Variants in SIN3A observed in about 807,000 individuals in gnomAD.
SIN3A encodes paired amphipathic helix protein Sin3a.
SIN3A carries 14 observed loss-of-function variants against 146.1 expected under a neutral mutation model. That is an observed-to-expected ratio of 0.10 (90% CI 0.06 to 0.15). The LOEUF (loss-of-function observed/expected upper bound fraction) is 0.15. Ranked by LOEUF, SIN3A falls within the 10% of genes least tolerant of loss-of-function variation. The pLI, the probability that SIN3A is intolerant of heterozygous loss-of-function variation, is 1.00. For missense variants in SIN3A, 1,028 were observed against 1,576.0 expected (o/e 0.65, Z 5.89); for synonymous variants, 572 against 572.0 (o/e 1.00, Z 0.00).
intron 9 of SIN3A, among the ~76,000 whole-genome samples, chr15:75,406,728 G>A (rs1257380885): frequency 6.6e-6 from 1 of 152,016 alleles, no homozygotes; most frequent in African/African-American, 2.4e-5. Flanking sequence ...CTCAAAAATT[G>A]GTACAGGCAC....
At chr15:75,418,979 G>C (rs990876036) in intron 3 of SIN3A, among the ~76,000 whole-genome samples, 3 of 150,722 alleles carry the variant, frequency 2.0e-5, no homozygotes, top group African/African-American at 7.3e-5. Context: ...GGATGGTCTC[G>C]ATCTCCTGAC....
chr15:75,417,549 T>G (rs1323306669), intron 3 of SIN3A, among the ~76,000 whole-genome samples: 1 of 151,854 alleles, frequency 6.6e-6, no homozygotes, highest in Non-Finnish European at 1.5e-5. Flanking sequence ...ACTAATTTTT[T>G]TGTATTTTTA....
At chr15:75,385,810 G>A (rs1431266930) in intron 16 of SIN3A, among the ~76,000 whole-genome samples, 1 of 152,200 alleles carries the variant, frequency 6.6e-6, no homozygotes. Flanking sequence ...GTGACTGAGT[G>A]TGGCAGAAAG....
chr15:75,401,101 T>C (rs984230557), intron 10 of SIN3A, among the ~76,000 whole-genome samples, 161 bp from the exon 11 acceptor site: 4 of 152,202 alleles, frequency 2.6e-5, no homozygotes, highest in African/African-American at 2.4e-5. Context: ...TTCCCCTTTT[T>C]CTAATAAAAT....
chr15:75,444,490 C>A (rs1025949162), intron 1 of SIN3A, among the ~76,000 whole-genome samples: 1 of 151,948 alleles, frequency 6.6e-6, no homozygotes, highest in Non-Finnish European at 1.5e-5. Context: ...GTTTTGAAGA[C>A]CTCCAATAAA....
At chr15:75,417,266 TAA>T (rs1595911340) in intron 3 of SIN3A, among the ~76,000 whole-genome samples, 2 of 152,302 alleles carry the variant, frequency 1.3e-5, no homozygotes, top group South Asian at 4.1e-4. Flanking sequence ...TGAGATACGT[TAA>T]GTTTTATTTT....
intron 15 of SIN3A, 54 bp downstream of exon 15, chr15:75,392,186 GCT>G: frequency 2.7e-6 from 4 of 1,490,168 alleles, no homozygotes; most frequent in Middle Eastern, 1.8e-4. Context: ...AGTCTAGGTG[GCT>G]CTAAGGTCCT....
intron 13 of SIN3A, 31 bp from the exon 14 acceptor site, chr15:75,394,894 C>G: frequency 6.3e-7 from 1 of 1,591,748 alleles, no homozygotes; most frequent in Non-Finnish European, 8.6e-7. Context: ...GGAAACAACA[C>G]ATGGGAATTC....
At chr15:75,400,264 A>G in intron 11 of SIN3A, 108 bp from the exon 12 acceptor site, 2 of 648,458 alleles carry the variant, frequency 3.1e-6, no homozygotes, top group Non-Finnish European at 5.5e-6. Flanking sequence ...GGCAACTAAT[A>G]TTACTTCACA....
chr15:75,433,338 G>A (rs988697994), intron 1 of SIN3A, among the ~76,000 whole-genome samples: 1 of 152,202 alleles, frequency 6.6e-6, no homozygotes, highest in African/African-American at 2.4e-5. Context: ...TAAGGAAAAA[G>A]AAGATTGTAG....
chr15:75,437,215 C>T (rs113518904), intron 1 of SIN3A, among the ~76,000 whole-genome samples: 123 of 151,990 alleles, frequency 8.1e-4, no homozygotes, highest in Non-Finnish European at 1.5e-3. Flanking sequence ...TTATGTCCAC[C>T]AGGCTGGAGT....
chr15:75,442,143 A>AAAAC (rs2074225457), intron 1 of SIN3A, among the ~76,000 whole-genome samples: 1 of 148,930 alleles, frequency 6.7e-6, no homozygotes, highest in Non-Finnish European at 1.5e-5. Flanking sequence ...AAAAAAAAAA[A>AAAAC]AAAAAAAAAA....
At chr15:75,428,794 A>G (rs2073967441) in intron 2 of SIN3A, among the ~76,000 whole-genome samples, 1 of 152,152 alleles carries the variant, frequency 6.6e-6, no homozygotes, top group Admixed American at 6.6e-5. Context: ...CACTGCACTC[A>G]GCAACAACAC....
At chr15:75,418,411 C>T (rs1344184634) in intron 3 of SIN3A, among the ~76,000 whole-genome samples, 2 of 151,698 alleles carry the variant, frequency 1.3e-5, no homozygotes, top group South Asian at 2.1e-4. Context: ...CTGCAACTTC[C>T]ACCTCCTGAG....
intron 8 of SIN3A, among the ~76,000 whole-genome samples, chr15:75,409,506 C>A (rs2073586205): frequency 6.6e-6 from 1 of 151,412 alleles, no homozygotes; most frequent in Non-Finnish European, 1.5e-5. Context: ...GCGGGCAGAT[C>A]ATGAGGTCAG....
intron 1 of SIN3A, among the ~76,000 whole-genome samples, chr15:75,442,403 G>A (rs1385726744): frequency 6.6e-6 from 1 of 150,712 alleles, no homozygotes; most frequent in Non-Finnish European, 1.5e-5. Context: ...GAACGTCTGG[G>A]CTCAAGCGAT....
chr15:75,430,783 CT>C (rs200576358), intron 1 of SIN3A, among the ~76,000 whole-genome samples: 53 of 147,176 alleles, frequency 3.6e-4, no homozygotes, highest in East Asian at 3.9e-4. Context: ...AGTGCTTCTT[CT>C]TTTTTTTTTT....
intron 12 of SIN3A, among the ~76,000 whole-genome samples, chr15:75,398,946 T>TTG (rs2073355077): frequency 6.6e-6 from 1 of 151,490 alleles, no homozygotes; most frequent in African/African-American, 2.4e-5. Flanking sequence ...AGATGATGAG[T>TTG]TGATAGGTGC....
chr15:75,420,301 T>C (rs955212661), intron 3 of SIN3A: 1 of 151,982 alleles, frequency 6.6e-6, no homozygotes, highest in Non-Finnish European at 1.5e-5. Context: ...TCACCACCAA[T>C]CTACCAAAGA....
Sources: allele counts gnomAD v4.1 joint callset (sites outside exome capture counted in the v4.1 genomes callset), GRCh38; gene constraint gnomAD v4.1.1; transcripts MANE v1.5; gene names NCBI Gene and HGNC (gene_info 2026-07-23, HGNC 2026-07-21).